The following CEP85 variants were observed in gnomAD, a reference collection of about 807,000 sequenced individuals.
CEP85 encodes centrosomal protein 85.
A neutral mutation model predicts 93.7 loss-of-function variants in CEP85; 58 were observed. That is an observed-to-expected ratio of 0.62 (90% CI 0.50 to 0.77). The LOEUF (loss-of-function observed/expected upper bound fraction) is 0.77. CEP85 is among the 30% of genes least tolerant of loss of function. The probability of loss-of-function intolerance (pLI) is 0.00; values close to 1 mark genes in which losing one functional copy is unlikely to be tolerated. For synonymous variants in CEP85, 314 were observed against 338.6 expected (o/e 0.93, Z 0.80); for missense variants, 868 against 922.0 (o/e 0.94, Z 0.76).
In CEP85 at chr1:26,257,882, G is replaced by T. The variant is rs572659849; in HGVS notation, c.1037+152G>T. ...AGGTAGTTTGATAAGCAGCCTAGTCGTGTATATATAACTAATATAATAGAC... is the reference window on the plus strand; with the variant it reads ...AGGTAGTTTGATAAGCAGCCTAGTCTTGTATATATAACTAATATAATAGAC... On this transcript the variant is annotated intron_variant, in intron 5 of 13. Coordinates refer to ENST00000451429, the MANE Select transcript of CEP85 (RefSeq NM_001319944.2). 6.9e-6 allele frequency: 6 copies of T among 866,250 alleles called. No individual in the cohort carries two copies. In the African/African-American group the frequency reaches 8.5e-5, roughly 12 times the overall value. 53.7% of individuals were successfully genotyped at this position (866,250 alleles called of 1,614,324 possible).
intron 7 of CEP85, among the ~76,000 whole-genome samples, chr1:26,260,280 C>G (rs887777675): frequency 6.6e-6 from 1 of 152,128 alleles, no homozygotes; most frequent in Non-Finnish European, 1.5e-5. Flanking sequence ...CACCTGAGGT[C>G]CAGAGTTCGA....
intron 7 of CEP85, among the ~76,000 whole-genome samples, chr1:26,260,499 A>AG (rs112325344): frequency 2.2e-5 from 3 of 137,386 alleles, no homozygotes; most frequent in African/African-American, 5.2e-5. Flanking sequence ...ACTCCGTCTC[A>AG]GGAAAAAAAA....
Position 26,255,219 on chromosome 1 carries a change from A to G in CEP85, c.257A>G (p.His86Arg). ...GSPPFQPIKS[H>R]VTIPTAHVMP... ...CCTCCTTTCCAGCCCATCAAAAGCC[A>G]CGTAACCATTCCAACAGCCCATGTG... The change falls in exon 4 of 14, where the codon CAC (histidine) becomes CGC (arginine). Residue 86 changes from histidine (H) to arginine (R), a missense_variant. By Grantham distance (29) the His-to-Arg change is conservative. Transcript: ENST00000451429. 2 of 1,614,190 alleles carry G rather than the reference A, an allele frequency of 1.2e-6. No homozygotes were observed. Among genetic ancestry groups the G allele is most frequent in the Non-Finnish European group, 1.7e-6 (2 of 1,180,028 alleles).
chr1:26,255,722 C>T lies in CEP85; in HGVS notation c.760C>T (p.Pro254Ser). The part of the protein sequence containing the change: ...SSGVLPLGLQ[P>S]APGLSKPLPS... ...TGGGGTCCTCCCTTTGGGACTCCAG[C>T]CTGCTCCCGGGCTCTCCAAGCCTCT... The change falls in exon 4 of 14, where the codon CCT becomes TCT. Residue 254 changes from proline to serine, a missense_variant. Physicochemically the swap from Pro to Ser is moderately conservative, Grantham distance 74. Transcript: ENST00000451429. The T allele has an allele frequency of 6.2e-7, 1 of 1,614,188 alleles. No homozygotes were observed. Among genetic ancestry groups the T allele is most frequent in the Non-Finnish European group, 8.5e-7 (1 of 1,180,034 alleles).
intron 3 of CEP85, among the ~76,000 whole-genome samples, chr1:26,250,945 T>C (rs1384687362): frequency 2.8e-4 from 38 of 136,446 alleles, no homozygotes; most frequent in African/African-American, 8.2e-5. Context: ...TTTTTTTTTT[T>C]TTTTTTTTTT....
At chr1:26,257,892 A>G (rs2124586293) in intron 5 of CEP85, among the ~76,000 whole-genome samples, 162 bp downstream of exon 5, 1 of 152,268 alleles carries the variant, frequency 6.6e-6, no homozygotes, top group East Asian at 1.9e-4. Context: ...GTGTATATAT[A>G]ACTAATATAA....
At chr1:26,239,662 A>G (rs2089389359) in intron 1 of CEP85, 100 bp from the exon 2 acceptor site, 2 of 770,294 alleles carry the variant, frequency 2.6e-6, no homozygotes, top group East Asian at 2.7e-5. Flanking sequence ...AAATACTTGA[A>G]TATTCTATAT....
intron 9 of CEP85, among the ~76,000 whole-genome samples, chr1:26,269,955 C>CT (rs1037837995): frequency 6.6e-6 from 1 of 151,856 alleles, no homozygotes; most frequent in Non-Finnish European, 1.5e-5. Flanking sequence ...CCTGGCTAAT[C>CT]TTTTTTGTAT....
At chr1:26,251,996 G>T (rs1482398596) in intron 3 of CEP85, among the ~76,000 whole-genome samples, 1 of 152,150 alleles carries the variant, frequency 6.6e-6, no homozygotes, top group Non-Finnish European at 1.5e-5. Context: ...ACTTTGGGAG[G>T]CCGAGACAGG....
intron 3 of CEP85, 67 bp from the exon 4 acceptor site, chr1:26,255,104 A>G (rs2089674870): frequency 2.3e-6 from 3 of 1,295,380 alleles, no homozygotes; most frequent in South Asian, 1.3e-5. Context: ...AGCTTCTGGC[A>G]TAGCATTCAA....
intron 8 of CEP85, chr1:26,269,204 C>T: frequency 2.1e-6 from 1 of 470,966 alleles, no homozygotes; most frequent in South Asian, 2.4e-5. Flanking sequence ...TGGTTCAACC[C>T]TAGCCAATAG....
In CEP85 at chr1:26,255,796, G is replaced by A. The variant is rs770046964; in HGVS notation, c.834G>A (p.Glu278=). 6.2e-7 allele frequency: 1 copy of A among 1,614,166 alleles called. No individual in the cohort carries two copies. Residue 278 remains glutamate, a synonymous_variant, in exon 4 of 14, where the codon GAG becomes GAA. Coordinates refer to ENST00000451429, the MANE Select transcript of CEP85 (RefSeq NM_001319944.2). The part of the protein sequence containing the change: ...QPSPDTWHPR[E]QSCELSTCRQ... ...GTCCTGACACTTGGCATCCCCGAGA[G>A]CAATCTTGTGAACTCAGCACTTGTC...
intron 3 of CEP85, among the ~76,000 whole-genome samples, chr1:26,248,646 C>T (rs910432044): frequency 2.7e-5 from 4 of 150,914 alleles, no homozygotes; most frequent in African/African-American, 9.8e-5. Flanking sequence ...CAGGCGTGTA[C>T]CACCATGCCT....
In CEP85 at chr1:26,276,750, G is replaced by A. The variant is rs2090058895; in HGVS notation, c.2118G>A (p.Leu706=). The A allele has an allele frequency of 1.9e-6, 3 of 1,613,242 alleles. No homozygotes were observed. The Admixed American group carries it at 5.0e-5, about 27-fold the overall frequency. Residue 706 remains leucine (L), a synonymous_variant, in exon 13 of 14, where the codon CTG becomes CTA. Transcript: ENST00000451429. ...QGHDPNLSLL[L]GIHSQHPETQ... ...ATGACCCCAATCTCTCCCTGCTCCT[G>A]GGCATTCACTGTGAGTCCTCAGACC...
At chr1:26,262,182 C>T (rs2089820465) in intron 7 of CEP85, among the ~76,000 whole-genome samples, 1 of 152,130 alleles carries the variant, frequency 6.6e-6, no homozygotes, top group South Asian at 2.1e-4. Flanking sequence ...TGGCGCACGC[C>T]TATAGTCCCA....
rs1378335910 is a variant in CEP85 at position 26,258,758 on chromosome 1, G to C, written c.1155+498G>C. ...ATTACAGGTGCCTGCCACCATGCCT[G>C]GCTAATTTTTATATTTTTAGTAGAG... On this transcript the variant is annotated intron_variant, in intron 6 of 13. Coordinates refer to ENST00000451429, the MANE Select transcript of CEP85 (RefSeq NM_001319944.2). 1.3e-4 allele frequency among the ~76,000 whole-genome samples: 20 copies of C among 152,026 alleles called. 1 individual carries two copies. Among genetic ancestry groups the C allele is most frequent in the Admixed American group, 1.3e-3 (20 of 15,242 alleles).
intron 3 of CEP85, among the ~76,000 whole-genome samples, chr1:26,254,303 G>T (rs1359408883): frequency 6.6e-6 from 1 of 152,078 alleles, no homozygotes; most frequent in Non-Finnish European, 1.5e-5. Context: ...GTCCCCCTCA[G>T]AGTAGTACTT....
chr1:26,255,734 C>T lies in CEP85; in HGVS notation c.772C>T (p.Leu258Phe), dbSNP rs1481140289. 1 of 1,614,064 alleles carries T rather than the reference C, an allele frequency of 6.2e-7. No homozygotes were observed. Among genetic ancestry groups the T allele is most frequent in the African/African-American group, 1.3e-5 (1 of 74,918 alleles). The change falls in exon 4 of 14, where the codon CTC becomes TTC. Residue 258 changes from leucine to phenylalanine, a missense_variant. Transcript: ENST00000451429. Reference sequence around the variant, plus strand: ...TTTGGGACTCCAGCCTGCTCCCGGGCTCTCCAAGCCTCTGCCCTCTCAGGT... The same window carrying T: ...TTTGGGACTCCAGCCTGCTCCCGGGTTCTCCAAGCCTCTGCCCTCTCAGGT... The part of the protein sequence containing the change: ...LPLGLQPAPG[L>F]SKPLPSQVWQ...
intron 2 of CEP85, among the ~76,000 whole-genome samples, chr1:26,241,998 G>A (rs2089434981): frequency 6.6e-6 from 1 of 151,908 alleles, no homozygotes; most frequent in South Asian, 2.1e-4. Context: ...CTGAGCTCAG[G>A]TAATCTGCCC....
Sources: allele counts gnomAD v4.1 joint callset (sites outside exome capture counted in the v4.1 genomes callset), GRCh38; gene constraint gnomAD v4.1.1; transcripts MANE v1.5; gene names NCBI Gene and HGNC (gene_info 2026-07-23, HGNC 2026-07-21).